The following TEX11 variants were observed in gnomAD, a reference collection of about 807,000 sequenced individuals.
The protein encoded by TEX11 is testis expressed 11.
TEX11 carries 7 observed loss-of-function variants against 84.4 expected under a neutral mutation model. The ratio of observed to expected loss-of-function variants is 0.08; its 90% CI spans 0.05 to 0.16. The LOEUF is 0.16. TEX11 is among the 10% of genes least tolerant of loss of function. The pLI, the probability that TEX11 is intolerant of heterozygous loss-of-function variation, is 1.00. For synonymous variants in TEX11, 264 were observed against 222.8 expected (o/e 1.18, Z -1.64); for missense variants, 551 against 660.5 (o/e 0.83, Z 1.82).
intron 25 of TEX11, among the ~76,000 whole-genome samples, chrX:70,562,780 T>A (rs1325776305): frequency 8.9e-6 from 1 of 112,336 alleles, no homozygotes; most frequent in Non-Finnish European, 1.9e-5. Context: ...TATAGAACAT[T>A]CATTACCCTA....
rs768027475 is a variant in TEX11, at chrX:70,529,848, C to A, written c.2672G>T (p.Ser891Ile). Reference sequence around the variant, plus strand: ...CTCCCTCCTTACCTGAGTTTCATAGCTTTCCTTGAAGGAGGTAAGGTGGTT... The same window carrying A: ...CTCCCTCCTTACCTGAGTTTCATAGATTTCCTTGAAGGAGGTAAGGTGGTT... ...FLNHLTSFKE[S>I]YETQMNMLYS... Residue 891 changes from serine (S) to isoleucine (I), a missense_variant, in exon 29 of 30, where the codon AGC becomes ATC. Transcript: ENST00000374333. 1 of 1,209,491 alleles carries A rather than the reference C, an allele frequency of 8.3e-7. No individual in the cohort carries two copies. The highest frequency in any genetic ancestry group is 1.8e-5 in the South Asian group (1 of 56,515).
At chrX:70,550,271 C>T (rs185705731) in intron 28 of TEX11, among the ~76,000 whole-genome samples, 29 of 112,138 alleles carry the variant, frequency 2.6e-4, no homozygotes, top group African/African-American at 8.7e-4. Context: ...TTAAATCGAA[C>T]ACCTCAAACT....
At chrX:70,627,651 G>A (rs897980424) in intron 18 of TEX11, among the ~76,000 whole-genome samples, 4 of 111,345 alleles carry the variant, frequency 3.6e-5, no homozygotes, top group African/African-American at 6.5e-5. Flanking sequence ...TAAAAGAAAA[G>A]AAAGCAATGT....
intron 9 of TEX11, among the ~76,000 whole-genome samples, chrX:70,744,682 G>A (rs2090757240): frequency 9.1e-6 from 1 of 109,477 alleles, no homozygotes; most frequent in Non-Finnish European, 1.9e-5. Context: ...AAAGTTGAAG[G>A]AATATAAATA....
intron 28 of TEX11, among the ~76,000 whole-genome samples, chrX:70,550,232 C>A (rs967649810): frequency 8.9e-6 from 1 of 112,439 alleles, no homozygotes; most frequent in African/African-American, 3.2e-5. Context: ...TTGCCTTATA[C>A]AAAGATCAAA....
At chrX:70,616,093 A>C (rs1292157050) in intron 20 of TEX11, among the ~76,000 whole-genome samples, 2 of 111,580 alleles carry the variant, frequency 1.8e-5, no homozygotes, top group Non-Finnish European at 3.8e-5. Context: ...CTGAAGGTAC[A>C]AAACTCACTA....
In TEX11 at chrX:70,646,875, G is replaced by A. The variant is rs185989352; in HGVS notation, c.1483+4575C>T. Among the ~76,000 whole-genome samples, 58 of 111,793 alleles carry A rather than the reference G, an allele frequency of 5.2e-4. No individual in the cohort carries two copies. In the East Asian group the frequency reaches 8.4e-3, roughly 16 times the overall value. On this transcript the variant is annotated intron_variant, in intron 17 of 29. Coordinates refer to ENST00000374333, the MANE Select transcript of TEX11 (RefSeq NM_031276.3). The stretch of plus-strand genomic sequence containing the variant: ...CCATATGATCCAGCAGTCCCACTAC[G>A]TAGTAGAATATAAAAAAGAAGTGAA...
chrX:70,720,357 C>T (rs776315144), intron 13 of TEX11, among the ~76,000 whole-genome samples: 18 of 109,944 alleles, frequency 1.6e-4, no homozygotes, highest in East Asian at 1.4e-3. Context: ...CATCACACAC[C>T]GGGGCCTTTC....
intron 8 of TEX11, among the ~76,000 whole-genome samples, chrX:70,826,185 C>T (rs1364200426): frequency 9.1e-6 from 1 of 109,642 alleles, no homozygotes; most frequent in Admixed American, 9.7e-5. Context: ...GTGGCTCATG[C>T]CTGTAATCCC....
intron 17 of TEX11, among the ~76,000 whole-genome samples, chrX:70,638,349 G>A (rs370960342): frequency 5.4e-5 from 6 of 111,489 alleles, no homozygotes; most frequent in African/African-American, 9.8e-5. Context: ...TCAAAGTGCC[G>A]AAGAGAAAAA....
intron 13 of TEX11, among the ~76,000 whole-genome samples, chrX:70,684,984 G>GA (rs1339207298): frequency 9.0e-6 from 1 of 111,629 alleles, no homozygotes; most frequent in Non-Finnish European, 1.9e-5. Context: ...CGAGAGCCCA[G>GA]AAAAAAACCC....
chrX:70,599,172 G>T (rs772808874), intron 24 of TEX11, among the ~76,000 whole-genome samples: 1 of 110,782 alleles, frequency 9.0e-6, no homozygotes, highest in Admixed American at 9.5e-5. Context: ...TAAAAGAAAA[G>T]AAATAAAGAA....
intron 2 of TEX11, among the ~76,000 whole-genome samples, chrX:70,891,562 T>C (rs1416876694): frequency 9.0e-6 from 1 of 111,049 alleles, no homozygotes; most frequent in Non-Finnish European, 1.9e-5. Flanking sequence ...GCTGAAAACA[T>C]GGCACGAGAA....
At chrX:70,751,598 T>C (rs2090826240) in intron 9 of TEX11, among the ~76,000 whole-genome samples, 1 of 109,164 alleles carries the variant, frequency 9.2e-6, no homozygotes, top group African/African-American at 3.3e-5. Context: ...CTAACCTGCA[T>C]GCTGTGCACT....
chrX:70,839,845 G>A (rs1161707719), intron 7 of TEX11, among the ~76,000 whole-genome samples: 1 of 112,020 alleles, frequency 8.9e-6, no homozygotes, highest in Admixed American at 9.5e-5. Context: ...GATGAACGCA[G>A]AAGCCTCAGT....
chrX:70,759,571 T>C (rs764407357), intron 9 of TEX11, among the ~76,000 whole-genome samples: 1 of 111,858 alleles, frequency 8.9e-6, no homozygotes, highest in Admixed American at 9.5e-5. Context: ...CAGCCCTTCA[T>C]GCTAAAAATT....
intron 9 of TEX11, among the ~76,000 whole-genome samples, chrX:70,752,523 T>C (rs1448677307): frequency 4.8e-5 from 2 of 41,433 alleles, no homozygotes; most frequent in African/African-American, 1.1e-4. Context: ...ATACTCTGTC[T>C]CAAAAAAAAA....
At chrX:70,617,768 G>A (rs988852067) in intron 20 of TEX11, among the ~76,000 whole-genome samples, 1 of 111,051 alleles carries the variant, frequency 9.0e-6, no homozygotes, top group Non-Finnish European at 1.9e-5. Flanking sequence ...TAATTGGGAG[G>A]GCAGTGCCCA....
At chrX:70,579,417 A>T (rs1219684995) in intron 25 of TEX11, among the ~76,000 whole-genome samples, 1 of 108,294 alleles carries the variant, frequency 9.2e-6, no homozygotes, top group Non-Finnish European at 1.9e-5. Flanking sequence ...ATGGTGGGTG[A>T]ACCCAGGAGG....
Sources: gnomAD v4.1 joint callset for allele counts (sites outside exome capture counted in the v4.1 genomes callset) on GRCh38, gnomAD v4.1.1 for gene constraint, MANE v1.5 for transcripts, NCBI Gene and HGNC (gene_info 2026-07-23, HGNC 2026-07-21) for gene names.